The following SAMD3 variants were observed in gnomAD, a reference collection of about 807,000 sequenced individuals.
The protein encoded by SAMD3 is sterile alpha motif domain containing 3.
Under a neutral mutation model 58.5 loss-of-function variants are expected in SAMD3, and 63 were observed. That is an observed-to-expected ratio of 1.08 (90% CI 0.88 to 1.33). The LOEUF is 1.33. SAMD3 is among the 40% of genes most tolerant of loss of function. SAMD3 has a pLI of 0.00. For missense variants in SAMD3, 604 were observed against 608.4 expected, an observed-to-expected ratio of 0.99 and a Z score of 0.08; for synonymous variants, 220 against 210.3, an observed-to-expected ratio of 1.05 and a Z score of -0.40.
chr6:130,354,842 C>G (rs1295675835), intron 1 of SAMD3, among the ~76,000 whole-genome samples: 2 of 152,150 alleles, frequency 1.3e-5, no homozygotes, highest in African/African-American at 2.4e-5. Context: ...TGTCCCTTGG[C>G]ATAGCTGATG....
intron 6 of SAMD3, 106 bp downstream of exon 6, chr6:130,184,323 GACCTATTAC>G: frequency 8.6e-7 from 1 of 1,166,046 alleles, no homozygotes; most frequent in African/African-American, 1.5e-5. Context: ...GGGCAATTGG[GACCTATTAC>G]CAATATATCA....
At chr6:130,308,379 T>TATTC (rs1775997006) in intron 2 of SAMD3, among the ~76,000 whole-genome samples, 2 of 132,942 alleles carry the variant, frequency 1.5e-5, no homozygotes, top group African/African-American at 5.9e-5. Context: ...TATTCTATTC[T>TATTC]ATTCTATTCT....
chr6:130,253,290 G>A (rs900389525), intron 2 of SAMD3, among the ~76,000 whole-genome samples: 2 of 152,120 alleles, frequency 1.3e-5, no homozygotes, highest in African/African-American at 4.8e-5. Context: ...TCTCTCGGAG[G>A]CAGAAAGAAT....
At chr6:130,146,555 A>G (rs1788643199) in intron 9 of SAMD3, among the ~76,000 whole-genome samples, 3 of 152,244 alleles carry the variant, frequency 2.0e-5, no homozygotes, top group African/African-American at 7.2e-5. Flanking sequence ...CTTGTTCAAC[A>G]AGCAGCAAAG....
At chr6:130,174,096 T>C (rs545708511) in intron 8 of SAMD3, among the ~76,000 whole-genome samples, 1 of 152,220 alleles carries the variant, frequency 6.6e-6, no homozygotes, top group Non-Finnish European at 1.5e-5. Flanking sequence ...AAGCCCGTGG[T>C]TCTTAGCTTG....
At chr6:130,289,522 C>T (rs558372882) in intron 2 of SAMD3, among the ~76,000 whole-genome samples, 69 of 151,954 alleles carry the variant, frequency 4.5e-4, no homozygotes, top group African/African-American at 1.7e-3. Context: ...GAGAGAGAGA[C>T]AGAGTCTCAC....
intron 2 of SAMD3, among the ~76,000 whole-genome samples, chr6:130,269,179 C>T (rs1190544061): frequency 2.0e-5 from 3 of 152,108 alleles, no homozygotes; most frequent in Admixed American, 6.6e-5. Flanking sequence ...TGCCTATATA[C>T]GTTCAATTGC....
chr6:130,213,634 G>T (rs1795767163), intron 4 of SAMD3, among the ~76,000 whole-genome samples: 1 of 152,100 alleles, frequency 6.6e-6, no homozygotes, highest in African/African-American at 2.4e-5. Flanking sequence ...AATGATCCCA[G>T]GGCATAGATG....
chr6:130,316,706 G>C (rs763132047), intron 1 of SAMD3, among the ~76,000 whole-genome samples: 6 of 152,164 alleles, frequency 3.9e-5, no homozygotes, highest in Non-Finnish European at 8.8e-5. Context: ...TTTTTAGAAA[G>C]ATATGTTGGT....
intron 1 of SAMD3, among the ~76,000 whole-genome samples, chr6:130,333,988 C>A (rs1303432964): frequency 2.0e-5 from 3 of 152,232 alleles, no homozygotes; most frequent in African/African-American, 7.2e-5. Flanking sequence ...CAGGTTCCTG[C>A]ACAGAAAATA....
At chr6:130,226,942 T>G (rs956423231), upstream of SAMD3, among the ~76,000 whole-genome samples, 10 of 152,256 alleles carry the variant, frequency 6.6e-5, no homozygotes, top group Non-Finnish European at 5.9e-5. Context: ...TTTTTTACAT[T>G]TAAATAAATT....
At chr6:130,184,242 C>A in intron 6 of SAMD3, 55 bp from the exon 7 acceptor site, 3 of 1,405,208 alleles carry the variant, frequency 2.1e-6, no homozygotes, top group Non-Finnish European at 3.0e-6. Flanking sequence ...ACATTCCTTC[C>A]TTTAAGATGA....
chr6:130,275,645 AT>A (rs1264190611), intron 2 of SAMD3, among the ~76,000 whole-genome samples: 1 of 152,140 alleles, frequency 6.6e-6, no homozygotes, highest in Non-Finnish European at 1.5e-5. Context: ...GAGAAAAATC[AT>A]TTATTAATAT....
chr6:130,273,197 G>A (rs930700518), intron 2 of SAMD3, among the ~76,000 whole-genome samples: 1 of 151,834 alleles, frequency 6.6e-6, no homozygotes, highest in Non-Finnish European at 1.5e-5. Context: ...ATGATGGTAG[G>A]TGCACACATA....
At chr6:130,329,045 T>C (rs577173434) in intron 1 of SAMD3, among the ~76,000 whole-genome samples, 10 of 142,938 alleles carry the variant, frequency 7.0e-5, no homozygotes, top group African/African-American at 2.2e-4. Context: ...TCTCTCTCCC[T>C]CTCTCTCTCT....
intron 4 of SAMD3, among the ~76,000 whole-genome samples, chr6:130,214,001 C>T (rs1423750931): frequency 6.6e-6 from 1 of 152,082 alleles, no homozygotes; most frequent in African/African-American, 2.4e-5. Context: ...ATGCCTTTCC[C>T]AAACCCTGAT....
chr6:130,274,295 C>T (rs1032321577), intron 2 of SAMD3, among the ~76,000 whole-genome samples: 3 of 152,108 alleles, frequency 2.0e-5, no homozygotes, highest in East Asian at 1.9e-4. Flanking sequence ...CTCTGAGTGG[C>T]CTTGGACCAA....
chr6:130,232,361 T>C (rs1796571762), intron 2 of SAMD3, among the ~76,000 whole-genome samples: 1 of 152,156 alleles, frequency 6.6e-6, no homozygotes, highest in Non-Finnish European at 1.5e-5. Context: ...CGAGTTCAGT[T>C]ACCGTCAGTG....
chr6:130,364,075 G>C (rs1433163591), intron 1 of SAMD3, among the ~76,000 whole-genome samples: 1 of 152,070 alleles, frequency 6.6e-6, no homozygotes, highest in Admixed American at 6.6e-5. Flanking sequence ...TCTATTTACA[G>C]GCCATTTTAC....
Sources: gnomAD v4.1 joint callset for allele counts (sites outside exome capture counted in the v4.1 genomes callset) on GRCh38, gnomAD v4.1.1 for gene constraint, MANE v1.5 for transcripts, NCBI Gene and HGNC (gene_info 2026-07-23, HGNC 2026-07-21) for gene names.